Variants in TBL1XR1 observed in about 807,000 individuals in gnomAD.
TBL1XR1 encodes the protein F-box-like/WD repeat-containing protein TBL1XR1.
Under a neutral mutation model 66.9 loss-of-function variants are expected in TBL1XR1, and 5 were observed. That is an observed-to-expected ratio of 0.07 (90% CI 0.04 to 0.16). The LOEUF (loss-of-function observed/expected upper bound fraction) is 0.16, where lower values mean the gene tolerates loss of function less well. Ranked by LOEUF, TBL1XR1 falls within the 10% of genes least tolerant of loss-of-function variation. TBL1XR1 has a pLI of 1.00. For missense variants in TBL1XR1, 238 were observed against 623.2 expected, an observed-to-expected ratio of 0.38 and a Z score of 6.58; for synonymous variants, 210 against 206.0, an observed-to-expected ratio of 1.02 and a Z score of -0.17.
Position 177,025,225 on chromosome 3 carries a change from T to A in TBL1XR1, c.*273A>T, listed in dbSNP as rs943382946. 10 of 399,272 alleles carry A rather than the reference T, an allele frequency of 2.5e-5. No homozygotes were observed. Among genetic ancestry groups the A allele is most frequent in the Admixed American group, 8.7e-5 (2 of 22,922 alleles). The allele number at this position is 399,272 out of a possible 1,614,324, so 24.7% of individuals were successfully genotyped here. On this transcript the variant is annotated 3_prime_UTR_variant, in exon 16 of 16. Coordinates refer to ENST00000457928, the MANE Select transcript of TBL1XR1 (RefSeq NM_024665.7). ...TTATAATGTATATTTTTCTCTCTTCTGTTTTTCATATCCAAAACTTCTAAA... is the reference window on the plus strand; with the variant it reads ...TTATAATGTATATTTTTCTCTCTTCAGTTTTTCATATCCAAAACTTCTAAA...
At chr3:177,065,130 T>C (rs767358494) in intron 2 of TBL1XR1, 108 bp from the exon 3 acceptor site, 6 of 661,278 alleles carry the variant, frequency 9.1e-6, no homozygotes, top group Non-Finnish European at 1.4e-5. Flanking sequence ...AAAACGAAGG[T>C]TCTACATTGC....
chr3:177,055,568 T>TGGGGGCGGGGCGGGGGTGGGGGGGG lies in TBL1XR1; in HGVS notation c.59-1651_59-1650insCCCCCCCCACCCCCGCCCCGCCCCC, dbSNP rs1717702080. Among the ~76,000 whole-genome samples the TGGGGGCGGGGCGGGGGTGGGGGGGG allele has an allele frequency of 8.9e-4, 4 of 4,488 alleles. No individual in the cohort carries two copies. In the East Asian group the frequency reaches 0.024, roughly 27 times the overall value. The allele number at this position is 4,488 out of a possible 152,430, so 2.9% of individuals were successfully genotyped here. ...GGGGGGCGGGGCGGGGGTGGGGGGG[T>TGGGGGCGGGGCGGGGGTGGGGGGGG]GGGGGCGGAGAAGCACCGTTTTGAA... On this transcript the variant is annotated intron_variant, in intron 3 of 15. Transcript: ENST00000457928.
intron 1 of TBL1XR1, among the ~76,000 whole-genome samples, chr3:177,130,103 C>T (rs891872463): frequency 8.8e-5 from 13 of 147,114 alleles, no homozygotes; most frequent in Non-Finnish European, 1.6e-4. Context: ...CGAGATCACG[C>T]CACTGCACTC....
rs540731819 is a variant in TBL1XR1, at chr3:177,158,068, T to C, written c.-122+39053A>G. Among the ~76,000 whole-genome samples, 291 of 152,184 alleles carry C rather than the reference T, an allele frequency of 1.9e-3. 1 individual carries two copies. Among genetic ancestry groups the C allele is most frequent in the Middle Eastern group, 6.8e-3 (2 of 294 alleles). On this transcript the variant is annotated intron_variant, in intron 1 of 15. Coordinates refer to ENST00000457928, the MANE Select transcript of TBL1XR1 (RefSeq NM_024665.7). ...TGGAAAACTGTGAGGCTATCTCATA[T>C]ATCTTAAGGTCCCACCACGGTAGTT... is the stretch of plus-strand genomic sequence containing the variant.
At chr3:177,043,443 CTA>C (rs1343363997) in intron 10 of TBL1XR1, among the ~76,000 whole-genome samples, 1 of 152,102 alleles carries the variant, frequency 6.6e-6, no homozygotes, top group Non-Finnish European at 1.5e-5. Context: ...GCTTTGAAAT[CTA>C]GTTTGTCTTA....
chr3:177,046,299 A>C, intron 9 of TBL1XR1, 110 bp from the exon 10 acceptor site: 1 of 745,436 alleles, frequency 1.3e-6, no homozygotes, highest in Non-Finnish European at 2.1e-6. Flanking sequence ...GAGTGGATTT[A>C]ATTTTAAACA....
intron 7 of TBL1XR1, among the ~76,000 whole-genome samples, chr3:177,049,320 G>A (rs9825834): frequency 0.24 from 36,638 of 152,062 alleles, 4,761 homozygotes; most frequent in East Asian, 0.5. Flanking sequence ...GAGTTTTGGG[G>A]GAGGGGCAGG....
intron 1 of TBL1XR1, among the ~76,000 whole-genome samples, chr3:177,129,901 T>A (rs1374561734): frequency 1.3e-5 from 2 of 151,866 alleles, no homozygotes; most frequent in Non-Finnish European, 2.9e-5. Flanking sequence ...TCCCAGCACT[T>A]TGGGAGGCCG....
chr3:177,041,515 AT>A (rs1715583813), intron 10 of TBL1XR1, among the ~76,000 whole-genome samples: 1 of 152,120 alleles, frequency 6.6e-6, no homozygotes, highest in African/African-American at 2.4e-5. Flanking sequence ...CTTCACTCAA[AT>A]GTTTGGCACA....
intron 1 of TBL1XR1, among the ~76,000 whole-genome samples, chr3:177,175,167 A>G (rs1734011823): frequency 1.3e-5 from 2 of 152,226 alleles, no homozygotes; most frequent in Non-Finnish European, 2.9e-5. Flanking sequence ...TTAGAAGATT[A>G]TAAATGTGAA....
intron 1 of TBL1XR1, among the ~76,000 whole-genome samples, chr3:177,166,146 G>T (rs1732792850): frequency 6.6e-6 from 1 of 152,140 alleles, no homozygotes; most frequent in South Asian, 2.1e-4. Flanking sequence ...CAGCACTCTG[G>T]GAGGCCAAGG....
At chr3:177,161,394 C>T (rs1343554623) in intron 1 of TBL1XR1, among the ~76,000 whole-genome samples, 1 of 152,186 alleles carries the variant, frequency 6.6e-6, no homozygotes, top group Non-Finnish European at 1.5e-5. Context: ...TTTTTATTTA[C>T]ATTATGAGCC....
chr3:177,188,564 T>C (rs75730207), intron 1 of TBL1XR1, among the ~76,000 whole-genome samples: 5,226 of 152,076 alleles, frequency 0.034, 303 homozygotes, highest in African/African-American at 0.12. Context: ...GAAATTACTC[T>C]ATTAAGATAC....
intron 1 of TBL1XR1, among the ~76,000 whole-genome samples, chr3:177,130,691 AAACAAGTT>A (rs145240418): frequency 0.013 from 1,961 of 152,314 alleles, 37 homozygotes; most frequent in African/African-American, 0.045. Context: ...CAAGTGTTCA[AAACAAGTT>A]AACAAGTTAA....
rs575640927 is a variant in TBL1XR1, at chr3:177,076,058, C to T, written c.-45-11036G>A. 2.6e-5 allele frequency among the ~76,000 whole-genome samples: 4 copies of T among 152,328 alleles called. No homozygotes were observed. The South Asian group carries it at 8.3e-4, about 32-fold the overall frequency. On this transcript the variant is annotated intron_variant, in intron 2 of 15. Transcript: ENST00000457928. ...GGCTGTGAAGCCCAAGATCAAGGTG[C>T]CAGCAGATACAGTGCCTAGTGAAGG...
At position 177,061,303 on chromosome 3, in the gene TBL1XR1, G is replaced by T. The variant is rs189652624; in HGVS notation, c.58+3617C>A. 3.9e-3 allele frequency among the ~76,000 whole-genome samples: 588 copies of T among 152,174 alleles called. 2 individuals are homozygous for T. Among genetic ancestry groups the T allele is most frequent in the Non-Finnish European group, 6.4e-3 (432 of 68,002 alleles). ...GGAGGTGGGAAACTTTCAACAGATAGTATCTTATAGTATTGACAACAGTAA... is the reference window on the plus strand; with the variant it reads ...GGAGGTGGGAAACTTTCAACAGATATTATCTTATAGTATTGACAACAGTAA... On this transcript the variant is annotated intron_variant, in intron 3 of 15. Transcript: ENST00000457928.
At chr3:177,153,945 A>G (rs1349034428) in intron 1 of TBL1XR1, among the ~76,000 whole-genome samples, 8 of 151,752 alleles carry the variant, frequency 5.3e-5, no homozygotes, top group Non-Finnish European at 1.0e-4. Flanking sequence ...GGTATGGCTA[A>G]TAAGACAATA....
At chr3:177,075,420 A>G (rs957786894) in intron 2 of TBL1XR1, among the ~76,000 whole-genome samples, 1 of 152,218 alleles carries the variant, frequency 6.6e-6, no homozygotes, top group Non-Finnish European at 1.5e-5. Context: ...TCCATTCCAA[A>G]TAAGTCACAT....
intron 1 of TBL1XR1, among the ~76,000 whole-genome samples, chr3:177,128,195 G>T (rs1439719695): frequency 6.6e-6 from 1 of 151,866 alleles, no homozygotes; most frequent in African/African-American, 2.4e-5. Flanking sequence ...CTTCAGCCTG[G>T]GTGACAGAAC....
Sources: gnomAD v4.1 joint callset for allele counts (sites outside exome capture counted in the v4.1 genomes callset) on GRCh38, gnomAD v4.1.1 for gene constraint, MANE v1.5 for transcripts, NCBI Gene and HGNC (gene_info 2026-07-23, HGNC 2026-07-21) for gene names.